HTR4: variants seen among roughly 807,000 people sequenced by gnomAD.
HTR4 encodes 5-hydroxytryptamine receptor 4, also known as 5-hydroxytryptamine (serotonin) receptor 4, G protein-coupled.
A neutral mutation model predicts 36.8 loss-of-function variants in HTR4; 16 were observed. The observed-to-expected ratio is 0.43, with a 90% CI of 0.29 to 0.66. The LOEUF (loss-of-function observed/expected upper bound fraction) is 0.66. HTR4 is among the 30% of genes least tolerant of loss of function. The probability of loss-of-function intolerance (pLI) is 0.13; values close to 1 mark genes in which losing one functional copy is unlikely to be tolerated. For missense variants in HTR4, 438 were observed against 490.9 expected (o/e 0.89, Z 1.02); for synonymous variants, 189 against 185.1 (o/e 1.02, Z -0.17).
intron 2 of HTR4, among the ~76,000 whole-genome samples, chr5:148,565,781 C>A (rs1214440237): frequency 6.6e-6 from 1 of 152,148 alleles, no homozygotes; most frequent in Non-Finnish European, 1.5e-5. Context: ...AGTTCAGATT[C>A]TCTACCTGGA....
At chr5:148,627,044 C>T (rs1332905958) in intron 2 of HTR4, among the ~76,000 whole-genome samples, 1 of 152,108 alleles carries the variant, frequency 6.6e-6, no homozygotes, top group Non-Finnish European at 1.5e-5. Context: ...ACCGGAAATG[C>T]TACTTCATAA....
At chr5:148,640,223 A>G (rs1753681575) in intron 1 of HTR4, among the ~76,000 whole-genome samples, 1 of 152,218 alleles carries the variant, frequency 6.6e-6, no homozygotes, top group Non-Finnish European at 1.5e-5. Flanking sequence ...AACATCCACT[A>G]TAATTTTCTG....
At chr5:148,576,133 A>G (rs1026723067) in intron 2 of HTR4, among the ~76,000 whole-genome samples, 2 of 147,496 alleles carry the variant, frequency 1.4e-5, no homozygotes, top group Non-Finnish European at 3.0e-5. Flanking sequence ...AAAAAAAAAA[A>G]CAAAATCAAT....
chr5:148,496,091 C>T (rs1470573669), intron 6 of HTR4, among the ~76,000 whole-genome samples: 2 of 152,126 alleles, frequency 1.3e-5, no homozygotes, highest in Non-Finnish European at 2.9e-5. Flanking sequence ...CAGTGTGAGA[C>T]TCCGCCTCAA....
In HTR4 at chr5:148,488,394, G is replaced by A. The variant is rs528943117; in HGVS notation, c.1077-5101C>T. Among the ~76,000 whole-genome samples, 3 of 151,992 alleles carry A rather than the reference G, an allele frequency of 2.0e-5. No homozygotes were observed. In the East Asian group the frequency reaches 5.8e-4, roughly 29 times the overall value. ...GCAGGCGTCAGGCTCAAAGCCTTTG[G>A]CAAAAAAACAGGATAAAGCTAAATT... is the stretch of plus-strand genomic sequence containing the variant. On this transcript the variant is annotated intron_variant, in intron 6 of 6. Coordinates refer to ENST00000377888, the MANE Select transcript of HTR4 (RefSeq NM_000870.7).
At chr5:148,521,476 G>T (rs766146071) in intron 5 of HTR4, among the ~76,000 whole-genome samples, 29 of 151,766 alleles carry the variant, frequency 1.9e-4, no homozygotes, top group Admixed American at 2.6e-4. Flanking sequence ...CCTGCCTTTG[G>T]ACTCAAACTA....
chr5:148,497,961 A>AT (rs755680393), intron 6 of HTR4, among the ~76,000 whole-genome samples: 10 of 152,226 alleles, frequency 6.6e-5, no homozygotes, highest in Non-Finnish European at 1.0e-4. Context: ...CTTCACTTCT[A>AT]TTTTGATCAC....
Position 148,484,302 on chromosome 5 carries a change from G to A in HTR4, c.1077-1009C>T. ...TGCAGTCAAACATCTAATGCTCAATGTGCCTGAGAATGGACCCGCTCTGGC... is the reference window on the plus strand; with the variant it reads ...TGCAGTCAAACATCTAATGCTCAATATGCCTGAGAATGGACCCGCTCTGGC... On this transcript the variant is annotated intron_variant, in intron 6 of 6. Coordinates refer to ENST00000377888, the MANE Select transcript of HTR4 (RefSeq NM_000870.7). The A allele has an allele frequency of 6.2e-7, 1 of 1,613,572 alleles. No homozygotes were observed. Among genetic ancestry groups the A allele is most frequent in the Non-Finnish European group, 8.5e-7 (1 of 1,179,770 alleles).
intron 5 of HTR4, among the ~76,000 whole-genome samples, chr5:148,516,788 A>C (rs1305989072): frequency 6.6e-6 from 1 of 152,192 alleles, no homozygotes; most frequent in Non-Finnish European, 1.5e-5. Flanking sequence ...TGTATAAAAA[A>C]GTACAGTTGC....
intron 4 of HTR4, among the ~76,000 whole-genome samples, chr5:148,539,564 A>C (rs1022076591): frequency 1.3e-5 from 2 of 152,258 alleles, no homozygotes; most frequent in Non-Finnish European, 2.9e-5. Context: ...GTCAAAGGAC[A>C]TGAACAGACA....
chr5:148,604,326 T>A (rs1752050442), intron 2 of HTR4, among the ~76,000 whole-genome samples: 1 of 151,970 alleles, frequency 6.6e-6, no homozygotes, highest in African/African-American at 2.4e-5. Flanking sequence ...AGCAATCAAT[T>A]CAACAGTAAA....
chr5:148,547,064 T>C (rs1373709026), intron 4 of HTR4, among the ~76,000 whole-genome samples: 1 of 152,128 alleles, frequency 6.6e-6, no homozygotes, highest in Non-Finnish European at 1.5e-5. Flanking sequence ...TTCAACTATA[T>C]GTTCTTGGCA....
At chr5:148,595,353 G>A (rs994019708) in intron 2 of HTR4, among the ~76,000 whole-genome samples, 9 of 152,046 alleles carry the variant, frequency 5.9e-5, no homozygotes, top group Non-Finnish European at 1.2e-4. Flanking sequence ...ACTCTAGAAT[G>A]TGGTGTAGGC....
intron 2 of HTR4, among the ~76,000 whole-genome samples, chr5:148,565,126 A>AG (rs1451328866): frequency 6.6e-6 from 1 of 150,752 alleles, no homozygotes; most frequent in Non-Finnish European, 1.5e-5. Flanking sequence ...AAAAAAAAAA[A>AG]GATTAATAAA....
At chr5:148,624,449 C>T (rs901120105) in intron 2 of HTR4, among the ~76,000 whole-genome samples, 2 of 152,216 alleles carry the variant, frequency 1.3e-5, no homozygotes. Context: ...TCAGCACTTA[C>T]ACTCATTGAG....
chr5:148,572,776 A>T (rs1014331127), intron 2 of HTR4, among the ~76,000 whole-genome samples: 1 of 152,080 alleles, frequency 6.6e-6, no homozygotes, highest in Non-Finnish European at 1.5e-5. Flanking sequence ...CCATCTCAGG[A>T]TATTCAACCT....
At chr5:148,465,771 C>G (rs998358807) in intron 5 of HTR4, 2 of 1,538,142 alleles carry the variant, frequency 1.3e-6, no homozygotes, top group Non-Finnish European at 1.7e-6. Context: ...GAAGTATAAA[C>G]AGACACTTAA....
At chr5:148,475,691 T>C (rs1755678551), downstream of HTR4, among the ~76,000 whole-genome samples, 1 of 152,216 alleles carries the variant, frequency 6.6e-6, no homozygotes, top group African/African-American at 2.4e-5. Flanking sequence ...TCCTGGTTTC[T>C]CAACAACCCT....
intron 2 of HTR4, among the ~76,000 whole-genome samples, chr5:148,596,229 T>C (rs1761765404): frequency 6.6e-6 from 1 of 152,206 alleles, no homozygotes. Flanking sequence ...CGATAATATC[T>C]TACTACTAGT....
Sources: gnomAD v4.1 joint callset for allele counts (sites outside exome capture counted in the v4.1 genomes callset) on GRCh38, gnomAD v4.1.1 for gene constraint, MANE v1.5 for transcripts, NCBI Gene and HGNC (gene_info 2026-07-23, HGNC 2026-07-21) for gene names.